The following PIKFYVE variants were observed in gnomAD, a reference collection of about 807,000 sequenced individuals.
PIKFYVE encodes phosphoinositide kinase, FYVE-type zinc finger containing.
A neutral mutation model predicts 257.9 loss-of-function variants in PIKFYVE; 122 were observed. The observed-to-expected ratio is 0.47, with a 90% CI of 0.41 to 0.55. The LOEUF (loss-of-function observed/expected upper bound fraction) is 0.55, where lower values mean the gene tolerates loss of function less well. Among genes scored for constraint, PIKFYVE ranks in the 20% least tolerant of loss-of-function variants. PIKFYVE has a pLI of 0.00. For missense variants in PIKFYVE, 2,160 were observed against 2,536.6 expected (o/e 0.85, Z 3.19); for synonymous variants, 892 against 868.9 (o/e 1.03, Z -0.47).
chr2:208,320,899 AGT>A (rs1696129890), intron 17 of PIKFYVE, among the ~76,000 whole-genome samples: 1 of 152,220 alleles, frequency 6.6e-6, no homozygotes, highest in Non-Finnish European at 1.5e-5. Flanking sequence ...AGAAAGTAAA[AGT>A]GAGCTTTTGC....
At position 208,310,145 on chromosome 2, in the gene PIKFYVE, C is replaced by T. The variant is rs1294014836; in HGVS notation, c.1637-2091C>T. 6.8e-4 allele frequency among the ~76,000 whole-genome samples: 104 copies of T among 152,214 alleles called. 1 individual carries two copies. The highest frequency in any genetic ancestry group is 3.4e-3 in the Middle Eastern group (1 of 294). Reference sequence around the variant, plus strand: ...TGCTGAGTGTTATAGTCAAGATGAACACTGATTATCAGAAAATAAAGATTT... The same window carrying T: ...TGCTGAGTGTTATAGTCAAGATGAATACTGATTATCAGAAAATAAAGATTT... On this transcript the variant is annotated intron_variant, in intron 12 of 41. Transcript: ENST00000264380.
chr2:208,267,589 C>T (rs1688823050), intron 1 of PIKFYVE, among the ~76,000 whole-genome samples: 3 of 147,334 alleles, frequency 2.0e-5, no homozygotes, highest in Admixed American at 7.0e-5. Flanking sequence ...CGACTGCAAC[C>T]TCCGCCTCCC....
intron 13 of PIKFYVE, 88 bp from the exon 14 acceptor site, chr2:208,314,205 TA>T (rs1452383213): frequency 2.1e-6 from 3 of 1,448,460 alleles, no homozygotes; most frequent in Admixed American, 1.9e-5. Flanking sequence ...AAAACATTTA[TA>T]AAGACAAAGG....
At chr2:208,297,191 G>A (rs995506312) in intron 7 of PIKFYVE, among the ~76,000 whole-genome samples, 1 of 152,140 alleles carries the variant, frequency 6.6e-6, no homozygotes, top group Non-Finnish European at 1.5e-5. Context: ...ATTTATTACA[G>A]CTTTTGACAT....
chr2:208,351,387 G>A lies in PIKFYVE; in HGVS notation c.5647G>A (p.Glu1883Lys). ...RFILKQMPRL[E>K]VQSFLDFAPH... ...TATTTTGAAGCAAATGCCTCGTCTG[G>A]AAGTCCAGTCCTTCCTCGACTTTGC... Residue 1883 changes from glutamate (E) to lysine (K), a missense_variant, in exon 38 of 42, where the codon GAA becomes AAA. By Grantham distance (56) the Glu-to-Lys change is moderately conservative. This residue lies in a region of PIKFYVE where 699 missense variants were observed against 855.8 expected (regional missense o/e 0.82). Transcript: ENST00000264380. 6.2e-7 allele frequency: 1 copy of A among 1,613,874 alleles called. No homozygotes were observed. The highest frequency in any genetic ancestry group is 2.2e-5 in the East Asian group (1 of 44,874).
intron 29 of PIKFYVE, among the ~76,000 whole-genome samples, chr2:208,338,941 A>G (rs1261035413): frequency 2.0e-5 from 3 of 152,198 alleles, no homozygotes; most frequent in Non-Finnish European, 4.4e-5. Flanking sequence ...GATGTCTTTC[A>G]CAGTATTTCA....
chr2:208,328,384 C>G lies in PIKFYVE; in HGVS notation c.3719+104C>G, dbSNP rs189972817. 1.5e-3 allele frequency: 1,948 copies of G among 1,314,202 alleles called. 18 individuals are homozygous for G. The highest frequency in any genetic ancestry group is 0.013 in the East Asian group (539 of 42,380). 81.4% of individuals were successfully genotyped at this position (1,314,202 alleles called of 1,614,324 possible). A position where few individuals can be genotyped will look rare whatever the true frequency, so the allele number is the denominator to read the frequency against. ...AGTCATTAGGACCTGTATTTAGGTA[C>G]ACAGCACACTGCTGGTCATATATGA... On this transcript the variant is annotated intron_variant, in intron 21 of 41. Coordinates refer to ENST00000264380, the MANE Select transcript of PIKFYVE (RefSeq NM_015040.4).
At chr2:208,353,852 T>G in intron 39 of PIKFYVE, 46 bp from the exon 40 acceptor site, 1 of 1,608,660 alleles carries the variant, frequency 6.2e-7, no homozygotes, top group Non-Finnish European at 8.5e-7. Context: ...AACTAATCAT[T>G]TGTGGCAACC....
intron 7 of PIKFYVE, among the ~76,000 whole-genome samples, chr2:208,292,833 G>A (rs1381718507): frequency 6.6e-6 from 1 of 151,974 alleles, no homozygotes; most frequent in Non-Finnish European, 1.5e-5. Flanking sequence ...TGTAGACAAT[G>A]TATTTTTGGG....
chr2:208,331,673 G>A (rs76025625), intron 23 of PIKFYVE, among the ~76,000 whole-genome samples: 7,493 of 152,248 alleles, frequency 0.049, 390 homozygotes, highest in African/African-American at 0.13. Flanking sequence ...ACAGCGCCTG[G>A]CCTTAATTGG....
intron 20 of PIKFYVE, among the ~76,000 whole-genome samples, chr2:208,327,364 TA>T (rs1461461206): frequency 5.9e-5 from 9 of 152,306 alleles, no homozygotes; most frequent in African/African-American, 2.2e-4. Context: ...CCTGCAGAAA[TA>T]ATTAAGTATG....
intron 35 of PIKFYVE, among the ~76,000 whole-genome samples, chr2:208,349,546 T>A (rs1370975152): frequency 3.3e-5 from 5 of 150,312 alleles, no homozygotes; most frequent in African/African-American, 1.2e-4. Context: ...GCTAATAAAG[T>A]TATATATTAT....
chr2:208,285,147 G>A (rs1691387057), intron 5 of PIKFYVE, among the ~76,000 whole-genome samples: 1 of 152,188 alleles, frequency 6.6e-6, no homozygotes, highest in South Asian at 2.1e-4. Context: ...CCAGGCTGGA[G>A]TGCAATGGCA....
chr2:208,285,643 G>A, intron 5 of PIKFYVE, 83 bp from the exon 6 acceptor site: 2 of 1,139,054 alleles, frequency 1.8e-6, no homozygotes, highest in Non-Finnish European at 2.6e-6. Flanking sequence ...GACCCAAGGA[G>A]TTAAAAAAGT....
At position 208,336,132 on chromosome 2, in the gene PIKFYVE, G is replaced by T; in HGVS notation, c.4452G>T (p.Gln1484His). The T allele has an allele frequency of 1.2e-6, 2 of 1,614,110 alleles. No individual in the cohort carries two copies. The highest frequency in any genetic ancestry group is 8.5e-7 in the Non-Finnish European group (1 of 1,179,976). ...CTGTAGATACCCCTCAGCAACTGCA[G>T]TCGGTCTTTGAGTCACTCATTGCCA... Reference protein sequence around the residue: ...SSSVDTPQQLQSVFESLIAKK... With the variant: ...SSSVDTPQQLHSVFESLIAKK... Residue 1484 changes from glutamine to histidine, a missense_variant, in exon 27 of 42, where the codon CAG becomes CAT. Gln to His is a conservative substitution (Grantham distance 24). Transcript: ENST00000264380.
intron 5 of PIKFYVE, among the ~76,000 whole-genome samples, chr2:208,281,396 T>C (rs1690787681): frequency 6.6e-6 from 1 of 152,210 alleles, no homozygotes; most frequent in African/African-American, 2.4e-5. Context: ...TCCAACTTTA[T>C]ATTCTTTCCA....
At chr2:208,275,220 A>G (rs926883131) in intron 3 of PIKFYVE, among the ~76,000 whole-genome samples, 6 of 152,228 alleles carry the variant, frequency 3.9e-5, no homozygotes, top group Non-Finnish European at 4.4e-5. Context: ...AGCTAAGGCT[A>G]TTTGCCTAAG....
At chr2:208,270,037 A>AT (rs943072206) in intron 1 of PIKFYVE, 5,571 of 110,228 alleles carry the variant, frequency 0.051, 193 homozygotes, top group Non-Finnish European at 0.059. Flanking sequence ...AGACTACAGT[A>AT]TTTTTTTTTT....
chr2:208,334,562 C>T (rs1348361733), intron 24 of PIKFYVE: 1 of 152,400 alleles, frequency 6.6e-6, no homozygotes, highest in Admixed American at 6.5e-5. Context: ...GCTCATTCCC[C>T]AGATATCTGC....
Sources: gnomAD v4.1 joint callset for allele counts (sites outside exome capture counted in the v4.1 genomes callset) on GRCh38, gnomAD v4.1.1 for gene constraint, gnomAD v4.1.1 regional missense constraint, MANE v1.5 for transcripts, NCBI Gene and HGNC (gene_info 2026-07-23, HGNC 2026-07-21) for gene names.